The following TBC1D32 variants were observed in gnomAD, a reference collection of about 807,000 sequenced individuals.
The protein encoded by TBC1D32 is TBC1 domain family member 32.
TBC1D32 carries 151 observed loss-of-function variants against 170.3 expected under a neutral mutation model. That is an observed-to-expected ratio of 0.89 (90% CI 0.78 to 1.01). The LOEUF (loss-of-function observed/expected upper bound fraction) is 1.01, where lower values mean the gene tolerates loss of function less well. Ranked by LOEUF, TBC1D32 falls within the 50% of genes least tolerant of loss-of-function variation. The pLI, the probability that TBC1D32 is intolerant of heterozygous loss-of-function variation, is 0.00. For missense variants in TBC1D32, 1,464 were observed against 1,457.1 expected (o/e 1.00, Z -0.08); for synonymous variants, 498 against 488.0 (o/e 1.02, Z -0.27).
At chr6:121,122,340 T>C (rs1278210442) in intron 26 of TBC1D32, among the ~76,000 whole-genome samples, 1 of 152,060 alleles carries the variant, frequency 6.6e-6, no homozygotes, top group Non-Finnish European at 1.5e-5. Flanking sequence ...ACAATGCTCT[T>C]ATAAAATGCA....
chr6:121,246,060 G>A (rs980135815), intron 17 of TBC1D32, among the ~76,000 whole-genome samples: 3 of 151,972 alleles, frequency 2.0e-5, no homozygotes, highest in Non-Finnish European at 4.4e-5. Context: ...CATACCCAGG[G>A]GTGCCTCTCC....
At chr6:121,188,685 G>A (rs748507583) in intron 22 of TBC1D32, among the ~76,000 whole-genome samples, 1 of 152,122 alleles carries the variant, frequency 6.6e-6, no homozygotes, top group Non-Finnish European at 1.5e-5. Flanking sequence ...GTGGAACTTG[G>A]GAGTACAGTA....
chr6:121,124,939 G>A (rs1396822584), intron 26 of TBC1D32, among the ~76,000 whole-genome samples: 1 of 151,918 alleles, frequency 6.6e-6, no homozygotes, highest in Non-Finnish European at 1.5e-5. Flanking sequence ...ATTGATCTTA[G>A]TGTTTTCTTG....
Position 121,191,680 on chromosome 6 carries a change from G to A in TBC1D32, c.2570+13395C>T, listed in dbSNP as rs150918179. Among the ~76,000 whole-genome samples the A allele has an allele frequency of 2.1e-3, 317 of 152,150 alleles. 1 individual carries two copies. Among genetic ancestry groups the A allele is most frequent in the African/African-American group, 7.3e-3 (305 of 41,504 alleles). ...TGTAAACACACAGAGTATGGTTTTC[G>A]GGCATGTGGTGATTAATACTAAGTG... On this transcript the variant is annotated intron_variant, in intron 22 of 31. Coordinates refer to ENST00000398212, the MANE Select transcript of TBC1D32 (RefSeq NM_152730.6).
chr6:121,299,333 G>T, intron 10 of TBC1D32, 113 bp downstream of exon 10: 1 of 1,202,270 alleles, frequency 8.3e-7, no homozygotes, highest in Non-Finnish European at 1.1e-6. Context: ...AAGGCGAATT[G>T]CTTCATTATC....
intron 4 of TBC1D32, among the ~76,000 whole-genome samples, chr6:121,308,956 C>T (rs1002737987): frequency 6.6e-6 from 1 of 152,110 alleles, no homozygotes. Flanking sequence ...ATCCTCAAAA[C>T]CTGGTCATTT....
Position 121,097,856 on chromosome 6 carries a change from G to C in TBC1D32, c.3466-6815C>G, listed in dbSNP as rs140542950. Among the ~76,000 whole-genome samples the C allele has an allele frequency of 8.6e-4, 131 of 152,104 alleles. 1 individual carries two copies. The highest frequency in any genetic ancestry group is 2.8e-3 in the African/African-American group (117 of 41,520). On this transcript the variant is annotated intron_variant, in intron 30 of 31. Transcript: ENST00000398212. ...TGTGGCACATATACACCATGGAATAGTATGCAGCCATAAAAAGGATGAGTT... is the reference window on the plus strand; with the variant it reads ...TGTGGCACATATACACCATGGAATACTATGCAGCCATAAAAAGGATGAGTT...
chr6:121,148,889 C>T (rs761648964), intron 24 of TBC1D32, among the ~76,000 whole-genome samples: 13 of 152,262 alleles, frequency 8.5e-5, no homozygotes, highest in Non-Finnish European at 1.8e-4. Context: ...GAAAAGCAGT[C>T]CTATATCACC....
At position 121,126,352 on chromosome 6, in the gene TBC1D32, C is replaced by A. The variant is rs774515915; in HGVS notation, c.2983+26G>T. 2.1e-5 allele frequency: 32 copies of A among 1,552,552 alleles called. No homozygotes were observed. In the Admixed American group the frequency reaches 5.5e-4, roughly 27 times the overall value. On this transcript the variant is annotated intron_variant, in intron 26 of 31. Transcript: ENST00000398212. ...ATCTAGTTACATACTGAGTCTTTTTCAAACTTCACAATGTTTAAAATGTAC... is the reference window on the plus strand; with the variant it reads ...ATCTAGTTACATACTGAGTCTTTTTAAAACTTCACAATGTTTAAAATGTAC...
chr6:121,286,741 G>A (rs576460743), intron 12 of TBC1D32, among the ~76,000 whole-genome samples: 24 of 152,270 alleles, frequency 1.6e-4, no homozygotes, highest in Admixed American at 4.6e-4. Flanking sequence ...AATGTAAAGG[G>A]CAGCCAGAGA....
At chr6:121,247,713 A>AAAAAAAAAAAAAC (rs1797796884) in intron 17 of TBC1D32, among the ~76,000 whole-genome samples, 1 of 148,786 alleles carries the variant, frequency 6.7e-6, no homozygotes, top group African/African-American at 2.5e-5. Flanking sequence ...AAAAAAAAAA[A>AAAAAAAAAAAAAC]AAAAAGACAA....
In TBC1D32 at chr6:121,115,249, C is replaced by T. The variant is rs767031140; in HGVS notation, c.2984-8G>A. On this transcript the variant is annotated splice_region_variant and splice_polypyrimidine_tract_variant and intron_variant, in intron 26 of 31. Transcript: ENST00000398212. ...TCACATTTGCATCAGTAGCTAAAGA[C>T]AACAGAAAACTGAGTTATAAAGTGC... The T allele has an allele frequency of 6.3e-7, 1 of 1,582,798 alleles. No homozygotes were observed. Among genetic ancestry groups the T allele is most frequent in the South Asian group, 1.2e-5 (1 of 85,578 alleles).
At chr6:121,144,596 AT>A (rs1166239502) in intron 24 of TBC1D32, among the ~76,000 whole-genome samples, 1 of 152,136 alleles carries the variant, frequency 6.6e-6, no homozygotes, top group Non-Finnish European at 1.5e-5. Flanking sequence ...TTGGGGGAGT[AT>A]TAAAAATTTA....
chr6:121,330,062 ATTTTG>A (rs953276619), intron 1 of TBC1D32, among the ~76,000 whole-genome samples: 1 of 151,852 alleles, frequency 6.6e-6, no homozygotes, highest in Non-Finnish European at 1.5e-5. Flanking sequence ...TATTTTATTT[ATTTTG>A]TTTTATTTTG....
chr6:121,303,264 G>C (rs1311129945), intron 9 of TBC1D32, among the ~76,000 whole-genome samples: 1 of 152,066 alleles, frequency 6.6e-6, no homozygotes, highest in African/African-American at 2.4e-5. Flanking sequence ...GAATCCTTAT[G>C]TTCTACCACA....
intron 4 of TBC1D32, among the ~76,000 whole-genome samples, chr6:121,309,532 G>GA (rs1332765988): frequency 3.3e-5 from 5 of 151,620 alleles, no homozygotes; most frequent in Non-Finnish European, 1.5e-5. Context: ...AATAGTTTGA[G>GA]AAAAATAATT....
Position 121,279,209 on chromosome 6 carries a change from T to C in TBC1D32, c.1645A>G (p.Ile549Val), listed in dbSNP as rs753257342. 10 of 1,611,486 alleles carry C rather than the reference T, an allele frequency of 6.2e-6. No individual in the cohort carries two copies. Among genetic ancestry groups the C allele is most frequent in the Non-Finnish European group, 6.8e-6 (8 of 1,178,854 alleles). The part of the protein sequence containing the change: ...PNCSETALIH[I>V]AGILARIASV... ...GCAATTCTTGCCAAAATACCAGCTA[T>C]ATGAATTAAAGCTGTCTCAGAGCAA... The change falls in exon 15 of 32, where the codon ATA becomes GTA. Residue 549 changes from isoleucine to valine, a missense_variant. By Grantham distance (29) the Ile-to-Val change is conservative. This residue lies in a region of TBC1D32 where 1,363 missense variants were observed against 1,338.1 expected (regional missense o/e 1.02). Transcript: ENST00000398212.
chr6:121,302,983 C>T (rs961878464), intron 9 of TBC1D32, among the ~76,000 whole-genome samples: 2 of 152,082 alleles, frequency 1.3e-5, no homozygotes, highest in Non-Finnish European at 2.9e-5. Flanking sequence ...TACCTAGGTG[C>T]CCAGTACAGA....
intron 1 of TBC1D32, among the ~76,000 whole-genome samples, 158 bp downstream of exon 1, chr6:121,334,118 T>C (rs1315852394): frequency 1.3e-5 from 2 of 152,076 alleles, no homozygotes; most frequent in Non-Finnish European, 2.9e-5. Flanking sequence ...TAAGAATAAA[T>C]GTTAAATAAA....
Sources: allele counts gnomAD v4.1 joint callset (sites outside exome capture counted in the v4.1 genomes callset), GRCh38; gene constraint gnomAD v4.1.1; regional missense constraint gnomAD v4.1.1; transcripts MANE v1.5; gene names NCBI Gene and HGNC (gene_info 2026-07-23, HGNC 2026-07-21).